FER: variants seen among roughly 807,000 people sequenced by gnomAD.
FER encodes the protein tyrosine-protein kinase Fer.
In FER, 63 loss-of-function variants were observed where a neutral mutation model predicts 111.0. The observed-to-expected ratio is 0.57, with a 90% CI of 0.46 to 0.70. The LOEUF is 0.70. Among genes scored for constraint, FER ranks in the 30% least tolerant of loss-of-function variants. The pLI, the probability that FER is intolerant of heterozygous loss-of-function variation, is 0.00. For missense variants in FER, 914 were observed against 954.0 expected, an observed-to-expected ratio of 0.96 and a Z score of 0.55; for synonymous variants, 327 against 313.9, an observed-to-expected ratio of 1.04 and a Z score of -0.44.
rs902588884 is a variant in FER at position 109,043,340 on chromosome 5, A to T, written c.1714-1340A>T. Among the ~76,000 whole-genome samples, 8 of 152,326 alleles carry T rather than the reference A, an allele frequency of 5.3e-5. No individual in the cohort carries two copies. The East Asian group carries it at 1.5e-3, about 29-fold the overall frequency. On this transcript the variant is annotated intron_variant, in intron 14 of 19. Coordinates refer to ENST00000281092, the MANE Select transcript of FER (RefSeq NM_005246.4). ...GGGTAAAAGACAATCTCTTGAGAAT[A>T]ACAGATGTGAAGCTCAAATTTTCCT...
chr5:109,053,881 C>T (rs1438522963), intron 16 of FER, among the ~76,000 whole-genome samples: 2 of 151,724 alleles, frequency 1.3e-5, no homozygotes, highest in East Asian at 3.9e-4. Context: ...TTAGTACTGA[C>T]GGGGTTTCAC....
intron 13 of FER, among the ~76,000 whole-genome samples, chr5:109,026,985 T>C (rs1342795639): frequency 2.0e-5 from 3 of 152,174 alleles, no homozygotes; most frequent in African/African-American, 7.2e-5. Flanking sequence ...GGCTAATTAT[T>C]CTTTCTAAGG....
intron 16 of FER, chr5:109,051,390 G>C: frequency 2.5e-6 from 4 of 1,611,872 alleles, no homozygotes; most frequent in Non-Finnish European, 3.4e-6. Context: ...GGTCCACAAT[G>C]GCTAGTGGCT....
At chr5:108,845,067 T>TATATATATATATATAC (rs1486282738) in intron 5 of FER, among the ~76,000 whole-genome samples, 3 of 53,856 alleles carry the variant, frequency 5.6e-5, no homozygotes, top group African/African-American at 7.6e-5. Context: ...TATATATATA[T>TATATATATATATATAC]ACACACACAC....
intron 13 of FER, among the ~76,000 whole-genome samples, chr5:109,020,975 T>C (rs1767845957): frequency 6.6e-6 from 1 of 152,056 alleles, no homozygotes; most frequent in African/African-American, 2.4e-5. Context: ...GGTATGCTTG[T>C]AACCAGGAGT....
chr5:108,750,455 C>T (rs144784297), intron 1 of FER, among the ~76,000 whole-genome samples: 40 of 152,276 alleles, frequency 2.6e-4, no homozygotes, highest in Middle Eastern at 3.4e-3. Flanking sequence ...ATTATGCTTC[C>T]AAAGATGCTG....
chr5:109,054,745 C>G (rs370114973), intron 16 of FER, among the ~76,000 whole-genome samples: 8 of 152,086 alleles, frequency 5.3e-5, no homozygotes, highest in Non-Finnish European at 1.0e-4. Context: ...GGACCCATTT[C>G]AAGTTAATTT....
intron 1 of FER, among the ~76,000 whole-genome samples, chr5:108,763,158 G>T (rs535302618): frequency 8.7e-5 from 13 of 148,882 alleles, no homozygotes; most frequent in Admixed American, 2.0e-4. Context: ...TAATAAATAA[G>T]AAAAAAAAAA....
At chr5:108,807,799 A>G (rs1757356234) in intron 3 of FER, among the ~76,000 whole-genome samples, 1 of 152,000 alleles carries the variant, frequency 6.6e-6, no homozygotes, top group Non-Finnish European at 1.5e-5. Flanking sequence ...CGTCCCAGAG[A>G]TTCTGGTATG....
intron 16 of FER, among the ~76,000 whole-genome samples, chr5:109,083,499 T>C (rs1022028363): frequency 1.3e-5 from 2 of 152,098 alleles, no homozygotes. Context: ...AAGATTGTAA[T>C]GATAGCTCAA....
chr5:108,993,980 T>G (rs928263683), intron 13 of FER, among the ~76,000 whole-genome samples: 1 of 152,232 alleles, frequency 6.6e-6, no homozygotes, highest in Non-Finnish European at 1.5e-5. Flanking sequence ...TGTTGTTTTC[T>G]TCTTGTAAAT....
chr5:108,771,396 A>T (rs149588080), intron 2 of FER, among the ~76,000 whole-genome samples: 1 of 152,326 alleles, frequency 6.6e-6, no homozygotes, highest in African/African-American at 2.4e-5. Context: ...GCTGAGAGGT[A>T]GTAGTAGAAT....
At chr5:108,826,577 T>G (rs972451952) in intron 3 of FER, among the ~76,000 whole-genome samples, 2 of 152,196 alleles carry the variant, frequency 1.3e-5, no homozygotes, top group African/African-American at 4.8e-5. Context: ...ATAGTGTCTT[T>G]GTCTGGCTTT....
intron 18 of FER, among the ~76,000 whole-genome samples, chr5:109,184,213 A>G (rs181414918): frequency 2.0e-4 from 31 of 152,290 alleles, no homozygotes; most frequent in Admixed American, 8.5e-4. Context: ...ATATCCTCTA[A>G]TTAGTTATAT....
At chr5:108,809,442 A>G (rs753334328) in intron 3 of FER, among the ~76,000 whole-genome samples, 1 of 152,174 alleles carries the variant, frequency 6.6e-6, no homozygotes, top group Non-Finnish European at 1.5e-5. Context: ...TCTCTTTAAG[A>G]TGCTGATGTA....
chr5:109,048,164 T>A (rs1772268369), intron 16 of FER, among the ~76,000 whole-genome samples: 1 of 152,156 alleles, frequency 6.6e-6, no homozygotes, highest in East Asian at 1.9e-4. Context: ...GACTGCTCAT[T>A]AATTTCTGTT....
chr5:109,193,468 A>G lies in FER; in HGVS notation c.*5893A>G, dbSNP rs905705058. On this transcript the variant is annotated 3_prime_UTR_variant, in exon 20 of 20. Coordinates refer to ENST00000281092, the MANE Select transcript of FER (RefSeq NM_005246.4). ...GAATATTTGGAATTCACTCTAAGAG[A>G]TACAAATCCTGAATTTCTAACTATC... is the stretch of plus-strand genomic sequence containing the variant. The G allele has an allele frequency of 3.3e-5, 5 of 152,210 alleles. No individual in the cohort carries two copies. The highest frequency in any genetic ancestry group is 1.2e-4 in the African/African-American group (5 of 41,454). The allele number at this position is 152,210 out of a possible 1,614,324, so 9.4% of individuals were successfully genotyped here.
At chr5:108,816,233 A>G (rs1468924717) in intron 3 of FER, among the ~76,000 whole-genome samples, 5 of 152,182 alleles carry the variant, frequency 3.3e-5, no homozygotes, top group African/African-American at 4.8e-5. Context: ...GCACTAGGTG[A>G]ATGCAGAAAA....
chr5:109,019,584 C>T (rs973107770), intron 13 of FER, among the ~76,000 whole-genome samples: 1 of 151,724 alleles, frequency 6.6e-6, no homozygotes, highest in African/African-American at 2.4e-5. Context: ...TTATTGGTTC[C>T]TATGCCAGGC....
Sources: allele counts gnomAD v4.1 joint callset (sites outside exome capture counted in the v4.1 genomes callset), GRCh38; gene constraint gnomAD v4.1.1; transcripts MANE v1.5; gene names NCBI Gene and HGNC (gene_info 2026-07-23, HGNC 2026-07-21).